SPATS2L: variants seen among roughly 807,000 people sequenced by gnomAD.
SPATS2L encodes the protein SPATS2-like protein.
In SPATS2L, 30 loss-of-function variants were observed where a neutral mutation model predicts 59.6. The observed-to-expected ratio is 0.50, with a 90% CI of 0.38 to 0.68. SPATS2L has a LOEUF of 0.68. SPATS2L is among the 30% of genes least tolerant of loss of function. The pLI, the probability that SPATS2L is intolerant of heterozygous loss-of-function variation, is 0.00. For synonymous variants in SPATS2L, 252 were observed against 263.5 expected (o/e 0.96, Z 0.42); for missense variants, 615 against 700.0 (o/e 0.88, Z 1.37).
chr2:200,433,490 AATAAG>A (rs2084075607), intron 6 of SPATS2L, among the ~76,000 whole-genome samples: 1 of 152,164 alleles, frequency 6.6e-6, no homozygotes, highest in African/African-American at 2.4e-5. Context: ...TAACAATAGC[AATAAG>A]ATAACTAGAA....
intron 12 of SPATS2L, among the ~76,000 whole-genome samples, chr2:200,475,073 GCCAGTTTTCACA>G (rs2087408415): frequency 6.6e-6 from 1 of 152,236 alleles, no homozygotes; most frequent in Non-Finnish European, 1.5e-5. Flanking sequence ...GAACAACACT[GCCAGTTTTCACA>G]CCCATCCGCT....
chr2:200,397,574 CCTTAA>C (rs1028875104), intron 3 of SPATS2L, among the ~76,000 whole-genome samples: 61 of 151,870 alleles, frequency 4.0e-4, no homozygotes, highest in African/African-American at 1.4e-3. Context: ...AATCATTGCT[CCTTAA>C]CTTGATTATA....
chr2:200,401,082 A>T (rs1240873997), intron 3 of SPATS2L, among the ~76,000 whole-genome samples: 1 of 152,176 alleles, frequency 6.6e-6, no homozygotes, highest in Non-Finnish European at 1.5e-5. Flanking sequence ...ACCAGGTGGG[A>T]TATTGCAGTG....
Position 200,481,045 on chromosome 2 carries a change from A to T in SPATS2L, c.*3014A>T, listed in dbSNP as rs565694777. On this transcript the variant is annotated 3_prime_UTR_variant, in exon 13 of 13. Coordinates refer to ENST00000409140, the MANE Select transcript of SPATS2L (RefSeq NM_001100423.2). ...TCCACACCTCCCTGTTGGGTTCCCAATTACATTCCAAATTTACATTTCTTT... is the reference window on the plus strand; with the variant it reads ...TCCACACCTCCCTGTTGGGTTCCCATTTACATTCCAAATTTACATTTCTTT... 3 of 152,170 alleles carry T rather than the reference A, an allele frequency of 2.0e-5. No individual in the cohort carries two copies. The allele number at this position is 152,170 out of a possible 1,614,324, so 9.4% of individuals were successfully genotyped here.
At chr2:200,467,547 G>A (rs2086683310) in intron 10 of SPATS2L, 148 bp downstream of exon 10, 3 of 619,474 alleles carry the variant, frequency 4.8e-6, no homozygotes, top group Admixed American at 5.7e-5. Context: ...AACACAGAAG[G>A]GGGAAGACCC....
At chr2:200,391,577 A>C (rs1438480203) in intron 3 of SPATS2L, among the ~76,000 whole-genome samples, 1 of 152,234 alleles carries the variant, frequency 6.6e-6, no homozygotes, top group African/African-American at 2.4e-5. Flanking sequence ...GAGCAAAAAG[A>C]AGCTGTTGGA....
rs766707035 is a variant in SPATS2L at position 200,473,067 on chromosome 2, G to C, written c.1281+15G>C. 14 of 1,594,592 alleles carry C rather than the reference G, an allele frequency of 8.8e-6. No individual in the cohort carries two copies. The South Asian group carries it at 1.6e-4, about 18-fold the overall frequency. ...CCAACAAGCAGGTAAGCCGACACTG[G>C]TGCAGGGTGCCAGAGGAAAAAAAAA... On this transcript the variant is annotated intron_variant, in intron 12 of 12. Transcript: ENST00000409140.
intron 2 of SPATS2L, among the ~76,000 whole-genome samples, chr2:200,372,561 T>C (rs1439314574): frequency 6.6e-6 from 1 of 152,168 alleles, no homozygotes; most frequent in African/African-American, 2.4e-5. Context: ...TTTGGCATTT[T>C]TGCCAAGCCA....
At chr2:200,360,468 C>G (rs1411730991) in intron 2 of SPATS2L, among the ~76,000 whole-genome samples, 1 of 152,254 alleles carries the variant, frequency 6.6e-6, no homozygotes, top group Admixed American at 6.5e-5. Flanking sequence ...CCTCCCCAAC[C>G]AGGGGCAGGG....
chr2:200,390,350 G>C (rs2105928544), intron 3 of SPATS2L: 2 of 152,418 alleles, frequency 1.3e-5, no homozygotes, highest in African/African-American at 4.8e-5. Context: ...GGGCAGGGAA[G>C]CAGAGAATAA....
At chr2:200,375,734 C>T (rs1006280871) in intron 2 of SPATS2L, among the ~76,000 whole-genome samples, 3 of 152,176 alleles carry the variant, frequency 2.0e-5, no homozygotes, top group Admixed American at 6.5e-5. Context: ...TCAAGTGATC[C>T]TCCCACTTCA....
intron 2 of SPATS2L, among the ~76,000 whole-genome samples, chr2:200,361,019 A>C (rs866461650): frequency 3.5e-5 from 5 of 143,756 alleles, no homozygotes; most frequent in Non-Finnish European, 7.6e-5. Context: ...GTGTCTGTGA[A>C]TTGCTTCTGG....
At chr2:200,306,613 C>G (rs1443991485), upstream of SPATS2L, 6 of 986,172 alleles carry the variant, frequency 6.1e-6, no homozygotes, top group African/African-American at 1.9e-5. Flanking sequence ...TGAGTGACAC[C>G]GAGGGGAAGG....
intron 2 of SPATS2L, among the ~76,000 whole-genome samples, chr2:200,386,619 A>T (rs917448578): frequency 2.0e-5 from 3 of 152,218 alleles, no homozygotes; most frequent in Non-Finnish European, 4.4e-5. Context: ...AATCCTAGAC[A>T]TCAAAGCCCA....
intron 6 of SPATS2L, among the ~76,000 whole-genome samples, chr2:200,422,693 G>A (rs906750225): frequency 1.3e-5 from 2 of 152,132 alleles, no homozygotes; most frequent in African/African-American, 4.8e-5. Flanking sequence ...TTTAGCTATA[G>A]TAATCTGCCC....
At chr2:200,365,475 A>G (rs936391555) in intron 2 of SPATS2L, among the ~76,000 whole-genome samples, 1 of 152,192 alleles carries the variant, frequency 6.6e-6, no homozygotes, top group Non-Finnish European at 1.5e-5. Context: ...CCTGGTTTTC[A>G]GTCTTCAAAG....
At chr2:200,376,041 TGA>T in intron 2 of SPATS2L, among the ~76,000 whole-genome samples, 1 of 152,158 alleles carries the variant, frequency 6.6e-6, no homozygotes, top group Non-Finnish European at 1.5e-5. Flanking sequence ...AAGAATAAAA[TGA>T]GAGGACATTT....
intron 1 of SPATS2L, among the ~76,000 whole-genome samples, chr2:200,328,197 G>T (rs1053054950): frequency 1.3e-5 from 2 of 152,114 alleles, no homozygotes; most frequent in Admixed American, 1.3e-4. Context: ...GTGTACAGTT[G>T]TCCTCAGGGC....
chr2:200,437,504 T>G (rs769508754), intron 6 of SPATS2L, among the ~76,000 whole-genome samples: 1 of 152,176 alleles, frequency 6.6e-6, no homozygotes, highest in Admixed American at 6.5e-5. Flanking sequence ...CAAGGGAAAC[T>G]CATTTCACAC....
Sources: allele counts gnomAD v4.1 joint callset (sites outside exome capture counted in the v4.1 genomes callset), GRCh38; gene constraint gnomAD v4.1.1; transcripts MANE v1.5; gene names NCBI Gene and HGNC (gene_info 2026-07-23, HGNC 2026-07-21).